The following ZC3H18 variants were observed in gnomAD, a reference collection of about 807,000 sequenced individuals.
ZC3H18 encodes zinc finger CCCH-type containing 18.
A neutral mutation model predicts 106.1 loss-of-function variants in ZC3H18; 8 were observed. That is an observed-to-expected ratio of 0.08 (90% CI 0.04 to 0.14). ZC3H18 has a LOEUF of 0.14. Among genes scored for constraint, ZC3H18 ranks in the 10% least tolerant of loss-of-function variants. The pLI is 1.00. For synonymous variants in ZC3H18, 635 were observed against 522.1 expected (o/e 1.22, Z -2.95); for missense variants, 1,318 against 1,278.4 (o/e 1.03, Z -0.47).
At chr16:88,603,621 C>A in intron 6 of ZC3H18, among the ~76,000 whole-genome samples, 1 of 105,496 alleles carries the variant, frequency 9.5e-6, no homozygotes, top group East Asian at 2.9e-4. Flanking sequence ...GAGACTCCGT[C>A]TCTTTTTTTT....
At chr16:88,623,539 T>C in intron 10 of ZC3H18, 195 bp downstream of exon 10, 1 of 707,724 alleles carries the variant, frequency 1.4e-6, no homozygotes, top group Non-Finnish European at 2.3e-6. Context: ...CGTCCTTGTG[T>C]AGATGCGTGC....
At chr16:88,614,940 T>C (rs1436537749) in intron 8 of ZC3H18, among the ~76,000 whole-genome samples, 2 of 152,002 alleles carry the variant, frequency 1.3e-5, no homozygotes, top group Non-Finnish European at 2.9e-5. Flanking sequence ...ATTTCCTCCA[T>C]TCCGTCTGCC....
Position 88,630,588 on chromosome 16 carries a change from C to T in ZC3H18, c.2663+7C>T, listed in dbSNP as rs746232501. On this transcript the variant is annotated splice_region_variant and intron_variant, in intron 17 of 17. Transcript: ENST00000301011. ...CTGCAGCCCCGGCTGACAGGTGAGT[C>T]CCACCCAGCATGTGCCCTGGGCACA... 84 of 1,597,256 alleles carry T rather than the reference C, an allele frequency of 5.3e-5. 1 individual carries two copies. The Admixed American group carries it at 1.4e-3, about 27-fold the overall frequency.
At chr16:88,602,472 G>A (rs1447470959) in intron 6 of ZC3H18, among the ~76,000 whole-genome samples, 1 of 152,188 alleles carries the variant, frequency 6.6e-6, no homozygotes, top group Non-Finnish European at 1.5e-5. Context: ...TCTGCCCCCA[G>A]CAGCATGTGA....
Position 88,598,671 on chromosome 16 carries a change from A to T in ZC3H18, c.889A>T (p.Thr297Ser), listed in dbSNP as rs374727828. Residue 297 changes from threonine to serine, a missense_variant, in exon 5 of 18, where the codon ACA (threonine) becomes TCA (serine). Physicochemically the swap from Thr to Ser is moderately conservative, Grantham distance 58 (BLOSUM62 1). Around this residue, in one of 6 missense-constraint regions of ZC3H18, gnomAD observed 78 missense variants for 67.3 expected, o/e 1.16. Coordinates refer to ENST00000301011, the MANE Select transcript of ZC3H18 (RefSeq NM_144604.4). ...ILPPPPPEPP[T>S]ESAWERGLRH... is the part of the protein sequence containing the mutation. ...GCCTCCACCCCCTCCAGAGCCCCCAACAGAGAGTGCCTGGGAACGAGGACT... is the reference window on the plus strand; with the variant it reads ...GCCTCCACCCCCTCCAGAGCCCCCATCAGAGAGTGCCTGGGAACGAGGACT... 1 of 1,613,292 alleles carries T rather than the reference A, an allele frequency of 6.2e-7. No individual in the cohort carries two copies. Among genetic ancestry groups the T allele is most frequent in the African/African-American group, 1.3e-5 (1 of 75,014 alleles).
At chr16:88,582,219 C>CTTTTCTTT (rs1915174697) in intron 2 of ZC3H18, among the ~76,000 whole-genome samples, 1 of 77,194 alleles carries the variant, frequency 1.3e-5, no homozygotes, top group African/African-American at 5.6e-5. Flanking sequence ...TTTTTCTTTT[C>CTTTTCTTT]TTTTTTTTTT....
chr16:88,600,056 C>T (rs1327461831), intron 6 of ZC3H18, 108 bp downstream of exon 6: 1 of 1,359,212 alleles, frequency 7.4e-7, no homozygotes, highest in Non-Finnish European at 1.0e-6. Context: ...GAGACCCAGC[C>T]CCACTCACTG....
chr16:88,623,715 A>G, intron 10 of ZC3H18: 1 of 634,388 alleles, frequency 1.6e-6, no homozygotes, highest in South Asian at 2.5e-5. Context: ...CTGCACACAC[A>G]TGAACGTGAC....
chr16:88,613,783 C>G (rs13330572), intron 8 of ZC3H18, among the ~76,000 whole-genome samples: 1 of 151,888 alleles, frequency 6.6e-6, no homozygotes, highest in African/African-American at 2.4e-5. Flanking sequence ...TATTTTGTTG[C>G]TTATGGTTTT....
At chr16:88,573,341 G>A (rs9935402) in intron 1 of ZC3H18, among the ~76,000 whole-genome samples, 98,585 of 151,802 alleles carry the variant, frequency 0.65, 32,592 homozygotes, top group East Asian at 0.77. Flanking sequence ...TACTAATGTC[G>A]ATAGCTAGGC....
chr16:88,595,839 A>G (rs1271292437), intron 3 of ZC3H18, among the ~76,000 whole-genome samples: 1 of 152,132 alleles, frequency 6.6e-6, no homozygotes, highest in Non-Finnish European at 1.5e-5. Flanking sequence ...GAAAGAAAGT[A>G]ATATGGGCTG....
intron 6 of ZC3H18, 28 bp from the exon 7 acceptor site, chr16:88,608,906 A>G (rs763325477): frequency 1.3e-6 from 2 of 1,576,334 alleles, no homozygotes; most frequent in Non-Finnish European, 1.7e-6. Flanking sequence ...CTAAGTGATG[A>G]GAGTTCTTTT....
At chr16:88,598,891 C>G (rs1050583187) in intron 5 of ZC3H18, among the ~76,000 whole-genome samples, 179 bp downstream of exon 5, 2 of 152,124 alleles carry the variant, frequency 1.3e-5, no homozygotes, top group African/African-American at 4.8e-5. Flanking sequence ...CAGAGTTTCA[C>G]TCTTGTTGCC....
chr16:88,588,692 G>A (rs1028184152), intron 3 of ZC3H18, among the ~76,000 whole-genome samples: 2 of 152,130 alleles, frequency 1.3e-5, no homozygotes, highest in African/African-American at 4.8e-5. Context: ...ACCAGCCTGG[G>A]CAACATAGTG....
At chr16:88,582,457 C>G (rs566900244) in intron 2 of ZC3H18, among the ~76,000 whole-genome samples, 1 of 152,040 alleles carries the variant, frequency 6.6e-6, no homozygotes, top group African/African-American at 2.4e-5. Flanking sequence ...CTCCTGACCT[C>G]GTGATCCACC....
intron 6 of ZC3H18, among the ~76,000 whole-genome samples, chr16:88,604,033 C>T (rs1247791773): frequency 1.3e-5 from 2 of 152,126 alleles, no homozygotes; most frequent in Admixed American, 1.3e-4. Flanking sequence ...GCACTTTGTT[C>T]AGGTACCATC....
Position 88,630,715 on chromosome 16 carries a change from G to A in ZC3H18, c.2663+134G>A, listed in dbSNP as rs182170606. On this transcript the variant is annotated intron_variant, in intron 17 of 17. Coordinates refer to ENST00000301011, the MANE Select transcript of ZC3H18 (RefSeq NM_144604.4). ...TCACTACAGCTCCTGCTGGTCTGAC[G>A]GGGTGAGGGGCATGGACAGCGAATT... The A allele has an allele frequency of 2.0e-3, 1,373 of 684,084 alleles. 4 individuals are homozygous for A. The highest frequency in any genetic ancestry group is 2.9e-3 in the Non-Finnish European group (1,199 of 409,748). 42.4% of individuals were successfully genotyped at this position (684,084 alleles called of 1,614,324 possible).
At chr16:88,584,731 A>G (rs1013197270) in intron 2 of ZC3H18, among the ~76,000 whole-genome samples, 1 of 152,188 alleles carries the variant, frequency 6.6e-6, no homozygotes, top group African/African-American at 2.4e-5. Context: ...TTTAGTAGCT[A>G]CAGGGTCCTC....
chr16:88,620,664 G>T (rs181635560), intron 8 of ZC3H18, among the ~76,000 whole-genome samples: 136 of 152,022 alleles, frequency 8.9e-4, no homozygotes, highest in Non-Finnish European at 1.7e-3. Context: ...GGTGGTTGTG[G>T]TTCTTAGTGG....
Sources: allele counts gnomAD v4.1 joint callset (sites outside exome capture counted in the v4.1 genomes callset), GRCh38; gene constraint gnomAD v4.1.1; regional missense constraint gnomAD v4.1.1; transcripts MANE v1.5; gene names NCBI Gene and HGNC (gene_info 2026-07-23, HGNC 2026-07-21).